The following PPP2R5E variants were observed in gnomAD, a reference collection of about 807,000 sequenced individuals.
The protein encoded by PPP2R5E is protein phosphatase 2 regulatory subunit B'epsilon.
In PPP2R5E, 4 loss-of-function variants were observed where a neutral mutation model predicts 65.3. The ratio of observed to expected loss-of-function variants is 0.06; its 90% CI spans 0.03 to 0.14. The LOEUF (loss-of-function observed/expected upper bound fraction) is 0.14, where lower values mean the gene tolerates loss of function less well. PPP2R5E is among the 10% of genes least tolerant of loss of function. The probability of loss-of-function intolerance (pLI) is 1.00; values close to 1 mark genes in which losing one functional copy is unlikely to be tolerated. For missense variants in PPP2R5E, 274 were observed against 556.1 expected (o/e 0.49, Z 5.10); for synonymous variants, 183 against 187.4 (o/e 0.98, Z 0.19).
In PPP2R5E at chr14:63,489,673, G is replaced by A. The variant is rs61983968; in HGVS notation, c.158-35788C>T. Among the ~76,000 whole-genome samples the A allele has an allele frequency of 3.6e-3, 546 of 152,158 alleles. 4 individuals are homozygous for A. The highest frequency in any genetic ancestry group is 5.6e-3 in the Non-Finnish European group (379 of 68,002). ...AATCTGCCCTCTGGCCTTCCAAAAT[G>A]CAGGAATTACAGGCATGAGCTGCTG... is the stretch of plus-strand genomic sequence containing the variant. On this transcript the variant is annotated intron_variant, in intron 2 of 13. Transcript: ENST00000337537.
intron 3 of PPP2R5E, among the ~76,000 whole-genome samples, chr14:63,433,848 G>A (rs544100406): frequency 2.0e-5 from 3 of 152,260 alleles, no homozygotes; most frequent in South Asian, 4.2e-4. Flanking sequence ...GAAGTTCCTC[G>A]GAGTTGTGCA....
At chr14:63,518,868 C>A (rs895115774) in intron 2 of PPP2R5E, among the ~76,000 whole-genome samples, 2 of 151,882 alleles carry the variant, frequency 1.3e-5, no homozygotes, top group Non-Finnish European at 2.9e-5. Context: ...TCTTTTATTC[C>A]TTTACTTTCT....
At chr14:63,531,742 T>C (rs1260604340) in intron 2 of PPP2R5E, among the ~76,000 whole-genome samples, 1 of 151,812 alleles carries the variant, frequency 6.6e-6, no homozygotes, top group Non-Finnish European at 1.5e-5. Context: ...TCACTTGAGG[T>C]CAAGAGTTCA....
At chr14:63,436,440 T>C (rs1054479576) in intron 3 of PPP2R5E, among the ~76,000 whole-genome samples, 2 of 152,230 alleles carry the variant, frequency 1.3e-5, no homozygotes, top group Non-Finnish European at 2.9e-5. Flanking sequence ...CACTGTCTCT[T>C]ATACTCTGTG....
chr14:63,401,984 A>C (rs1214916851), intron 5 of PPP2R5E, among the ~76,000 whole-genome samples: 4 of 151,972 alleles, frequency 2.6e-5, no homozygotes, highest in African/African-American at 9.7e-5. Flanking sequence ...AAGACCCCCC[A>C]GATCCCTATC....
At chr14:63,541,827 A>G (rs1228552298) in intron 1 of PPP2R5E, among the ~76,000 whole-genome samples, 1 of 152,250 alleles carries the variant, frequency 6.6e-6, no homozygotes, top group Non-Finnish European at 1.5e-5. Context: ...TTCTTTAAAA[A>G]AAAAAAAGTT....
chr14:63,412,702 AT>A (rs1886461101), intron 5 of PPP2R5E, among the ~76,000 whole-genome samples: 1 of 152,206 alleles, frequency 6.6e-6, no homozygotes, highest in Admixed American at 6.5e-5. Context: ...AAGAATCTGG[AT>A]TTCTATTTAT....
chr14:63,516,596 T>C (rs1490638647), intron 2 of PPP2R5E, among the ~76,000 whole-genome samples: 1 of 152,226 alleles, frequency 6.6e-6, no homozygotes, highest in African/African-American at 2.4e-5. Flanking sequence ...TAATAGCGAT[T>C]TCCTATCTGT....
At chr14:63,442,797 T>C (rs567200751) in intron 3 of PPP2R5E, among the ~76,000 whole-genome samples, 1 of 152,302 alleles carries the variant, frequency 6.6e-6, no homozygotes, top group East Asian at 1.9e-4. Flanking sequence ...TGGGGTCTTG[T>C]AACATATCCC....
chr14:63,438,555 C>A (rs1888050733), intron 3 of PPP2R5E, among the ~76,000 whole-genome samples: 1 of 152,022 alleles, frequency 6.6e-6, no homozygotes. Context: ...CTGCCAGCCA[C>A]TGGGGGGAGG....
intron 3 of PPP2R5E, among the ~76,000 whole-genome samples, chr14:63,431,149 T>C (rs1887648932): frequency 6.6e-6 from 1 of 151,908 alleles, no homozygotes; most frequent in Admixed American, 6.6e-5. Flanking sequence ...ATGCCTGTAG[T>C]CCCAGCTACT....
intron 11 of PPP2R5E, among the ~76,000 whole-genome samples, chr14:63,389,142 T>G (rs1884858886): frequency 6.9e-6 from 1 of 145,134 alleles, no homozygotes. Flanking sequence ...TTTTTTTTTT[T>G]TTTTCATCTA....
intron 2 of PPP2R5E, among the ~76,000 whole-genome samples, chr14:63,531,729 GGGTC>G (rs1477030682): frequency 6.6e-6 from 1 of 151,672 alleles, no homozygotes; most frequent in African/African-American, 2.4e-5. Flanking sequence ...CAAAGTGGGA[GGGTC>G]ACTTGAGGTC....
intron 5 of PPP2R5E, among the ~76,000 whole-genome samples, chr14:63,404,874 T>A (rs1041887381): frequency 2.0e-5 from 3 of 152,232 alleles, no homozygotes; most frequent in African/African-American, 7.2e-5. Flanking sequence ...AAAGAGCTAT[T>A]GTGCTAAATA....
chr14:63,538,261 C>CT (rs10709303), intron 2 of PPP2R5E, among the ~76,000 whole-genome samples: 213 of 146,336 alleles, frequency 1.5e-3, no homozygotes, highest in Non-Finnish European at 2.4e-3. Flanking sequence ...CCTGCACTTT[C>CT]TTTTTTTTTT....
rs189145353 is a variant in PPP2R5E, at chr14:63,490,928, C to A, written c.158-37043G>T. Among the ~76,000 whole-genome samples the A allele has an allele frequency of 9.9e-5, 15 of 152,088 alleles. No individual in the cohort carries two copies. The East Asian group carries it at 2.9e-3, about 29-fold the overall frequency. On this transcript the variant is annotated intron_variant, in intron 2 of 13. Coordinates refer to ENST00000337537, the MANE Select transcript of PPP2R5E (RefSeq NM_006246.5). ...AAATGGTTGTTCAACCAAAAAGACA[C>A]CTGCACTCTCATGTTCATCATAGCA...
intron 2 of PPP2R5E, among the ~76,000 whole-genome samples, chr14:63,457,913 C>A (rs1319185247): frequency 1.3e-5 from 2 of 152,144 alleles, no homozygotes; most frequent in South Asian, 4.2e-4. Flanking sequence ...AATGCAATGA[C>A]CAGCTAAACT....
chr14:63,454,036 G>A, intron 2 of PPP2R5E, 151 bp from the exon 3 acceptor site: 1 of 542,560 alleles, frequency 1.8e-6, no homozygotes, highest in South Asian at 4.2e-5. Flanking sequence ...GGGTGGGAGG[G>A]GATACCGTAT....
chr14:63,454,248 T>C (rs1889003610), intron 2 of PPP2R5E, among the ~76,000 whole-genome samples: 1 of 152,222 alleles, frequency 6.6e-6, no homozygotes. Flanking sequence ...TAAGAAAGCT[T>C]TCGCTGTGGT....
Sources: allele counts gnomAD v4.1 joint callset (sites outside exome capture counted in the v4.1 genomes callset), GRCh38; gene constraint gnomAD v4.1.1; transcripts MANE v1.5; gene names NCBI Gene and HGNC (gene_info 2026-07-23, HGNC 2026-07-21).